The following MYO5B variants were observed in gnomAD, a reference collection of about 807,000 sequenced individuals.
MYO5B encodes the protein myosin VB, also known as unconventional myosin-Vb.
MYO5B carries 143 observed loss-of-function variants against 229.3 expected under a neutral mutation model. That is an observed-to-expected ratio of 0.62 (90% confidence interval 0.54 to 0.72). The LOEUF (loss-of-function observed/expected upper bound fraction) is 0.72. MYO5B is among the 30% of genes least tolerant of loss of function. The pLI, the probability that MYO5B is intolerant of heterozygous loss-of-function variation, is 0.00. For missense variants in MYO5B, 2,321 were observed against 2,331.0 expected (o/e 1.00, Z 0.09); for synonymous variants, 918 against 885.2 (o/e 1.04, Z -0.66).
Position 49,864,228 on chromosome 18 carries a change from C to G in MYO5B, c.3756G>C (p.Glu1252Asp), listed in dbSNP as rs775041779. 2 of 1,614,054 alleles carry G rather than the reference C, an allele frequency of 1.2e-6. No individual in the cohort carries two copies. The highest frequency in any genetic ancestry group is 1.7e-6 in the Non-Finnish European group (2 of 1,180,058). ...LLLNQLKLAH[E>D]ELEVRKEEVL... Reference sequence around the variant, plus strand: ...CCTCCTCCTTGCGCACCTCGAGCTCCTCGTGGGCCAGCTTGAGCTGGTTCA... The same window carrying G: ...CCTCCTCCTTGCGCACCTCGAGCTCGTCGTGGGCCAGCTTGAGCTGGTTCA... The change falls in exon 28 of 40, where the codon GAG becomes GAC. Residue 1252 changes from glutamate to aspartate, a missense_variant. Coordinates refer to ENST00000285039, the MANE Select transcript of MYO5B (RefSeq NM_001080467.3).
chr18:50,172,159 T>C (rs1244881783), intron 1 of MYO5B, among the ~76,000 whole-genome samples: 1 of 151,900 alleles, frequency 6.6e-6, no homozygotes, highest in Non-Finnish European at 1.5e-5. Flanking sequence ...CACACAACTG[T>C]AGTCCCAACT....
chr18:49,875,683 G>A lies in MYO5B; in HGVS notation c.3537+4C>T, dbSNP rs764494398. 27 of 1,614,018 alleles carry A rather than the reference G, an allele frequency of 1.7e-5. No individual in the cohort carries two copies. The highest frequency in any genetic ancestry group is 1.3e-4 in the South Asian group (12 of 91,080). On this transcript the variant is annotated splice_donor_region_variant and intron_variant, in intron 26 of 39. Coordinates refer to ENST00000285039, the MANE Select transcript of MYO5B (RefSeq NM_001080467.3). ...CATAAGAGCACTGCAGCCCCTTCACGTACCTGGACTTTCTTGCTGTCCTGC... is the reference window on the plus strand; with the variant it reads ...CATAAGAGCACTGCAGCCCCTTCACATACCTGGACTTTCTTGCTGTCCTGC...
intron 5 of MYO5B, 24 bp downstream of exon 5, chr18:50,001,231 G>T (rs1598943320): frequency 1.2e-6 from 2 of 1,614,016 alleles, no homozygotes; most frequent in African/African-American, 1.3e-5. Context: ...AGCCAGGAAG[G>T]CCAGGACACC....
At chr18:49,899,058 C>G (rs925585357) in intron 21 of MYO5B, among the ~76,000 whole-genome samples, 1 of 152,164 alleles carries the variant, frequency 6.6e-6, no homozygotes, top group South Asian at 2.1e-4. Context: ...GCTATCAGCT[C>G]TGGTTGTGAA....
At chr18:50,068,034 T>C (rs926044571) in intron 1 of MYO5B, among the ~76,000 whole-genome samples, 3 of 71,968 alleles carry the variant, frequency 4.2e-5, no homozygotes, top group East Asian at 4.4e-4. Context: ...CATATATATA[T>C]ACACACATAT....
At chr18:50,188,465 A>G (rs1428895018) in intron 1 of MYO5B, among the ~76,000 whole-genome samples, 1 of 152,176 alleles carries the variant, frequency 6.6e-6, no homozygotes, top group African/African-American at 2.4e-5. Flanking sequence ...AAACACACTG[A>G]AGGCTCCTAA....
chr18:49,839,104 C>G (rs754820769), intron 36 of MYO5B, 40 bp downstream of exon 36: 1 of 1,611,382 alleles, frequency 6.2e-7, no homozygotes, highest in Non-Finnish European at 8.5e-7. Context: ...TCATTTCAGA[C>G]ACCATGATGA....
In MYO5B at chr18:49,913,675, A is replaced by C. The variant is rs9957057; in HGVS notation, c.2091-1502T>G. On this transcript the variant is annotated intron_variant, in intron 17 of 39. Transcript: ENST00000285039. ...GTTCCCTGGCAAAGGCCCTACCCTC[A>C]AGCCTGGATACCCATGGCCCTAAAT... is the stretch of plus-strand genomic sequence containing the variant. Among the ~76,000 whole-genome samples the C allele has an allele frequency of 8.6e-3, 1,315 of 152,232 alleles. 12 individuals carry two copies. Among genetic ancestry groups the C allele is most frequent in the African/African-American group, 0.029 (1,221 of 41,524 alleles).
At chr18:50,070,018 C>CTTTTTTTTTTTTT (rs765610800) in intron 1 of MYO5B, among the ~76,000 whole-genome samples, 5 of 110,062 alleles carry the variant, frequency 4.5e-5, no homozygotes, top group African/African-American at 1.9e-4. Flanking sequence ...GCAATTTAGT[C>CTTTTTTTTTTTTT]TTTTTTTTTT....
intron 12 of MYO5B, among the ~76,000 whole-genome samples, chr18:49,960,623 T>C (rs1433381385): frequency 1.3e-5 from 2 of 152,248 alleles, no homozygotes; most frequent in Non-Finnish European, 2.9e-5. Flanking sequence ...TCATCCTGAA[T>C]TTCCAGAACA....
intron 4 of MYO5B, among the ~76,000 whole-genome samples, chr18:50,016,272 C>T (rs2026214395): frequency 2.0e-5 from 3 of 152,158 alleles, no homozygotes; most frequent in Admixed American, 2.0e-4. Flanking sequence ...TGTATTAACC[C>T]ATGATCCAAT....
In MYO5B at chr18:49,912,147, C is replaced by G; in HGVS notation, c.2117G>C (p.Arg706Pro). The G allele has an allele frequency of 1.2e-6, 2 of 1,613,962 alleles. No individual in the cohort carries two copies. The highest frequency in any genetic ancestry group is 1.1e-5 in the South Asian group (1 of 91,056). ...SRWAYHDFFN[R>P]YRVLVKKREL... ...TCTCTTCTTGACCAGCACCCGATACCGGTTGAAAAAGTCATGGTAGGCCCA... is the reference window on the plus strand; with the variant it reads ...TCTCTTCTTGACCAGCACCCGATACGGGTTGAAAAAGTCATGGTAGGCCCA... Residue 706 changes from arginine (R) to proline (P), a missense_variant, in exon 18 of 40, where the codon CGG becomes CCG. This residue lies in a region of MYO5B where 2,113 missense variants were observed against 2,044.7 expected (regional missense o/e 1.03). Coordinates refer to ENST00000285039, the MANE Select transcript of MYO5B (RefSeq NM_001080467.3).
At chr18:49,938,136 G>C (rs1302405936) in intron 14 of MYO5B, among the ~76,000 whole-genome samples, 1 of 152,168 alleles carries the variant, frequency 6.6e-6, no homozygotes, top group Non-Finnish European at 1.5e-5. Context: ...ATACACCTAA[G>C]TTTAAGTTCT....
intron 1 of MYO5B, among the ~76,000 whole-genome samples, chr18:50,062,101 A>T (rs559955403): frequency 9.9e-5 from 15 of 152,182 alleles, no homozygotes; most frequent in Non-Finnish European, 2.1e-4. Context: ...TGATTTGTTT[A>T]CAGCAGCCCA....
At chr18:50,082,316 C>T (rs1044314596) in intron 1 of MYO5B, among the ~76,000 whole-genome samples, 4 of 152,198 alleles carry the variant, frequency 2.6e-5, no homozygotes, top group Non-Finnish European at 5.9e-5. Context: ...ATATTATAAG[C>T]TCAAGTGTGT....
intron 4 of MYO5B, among the ~76,000 whole-genome samples, chr18:50,007,604 C>T (rs2026116931): frequency 6.6e-6 from 1 of 152,180 alleles, no homozygotes; most frequent in Non-Finnish European, 1.5e-5. Context: ...CAGTGCATGC[C>T]ACTCTTCTAC....
intron 12 of MYO5B, among the ~76,000 whole-genome samples, chr18:49,959,051 A>G (rs80020359): frequency 0.026 from 3,914 of 152,050 alleles, 163 homozygotes; most frequent in African/African-American, 0.088. Flanking sequence ...CTACTTTCCA[A>G]CCTTACCTGC....
At chr18:49,937,522 A>G in intron 14 of MYO5B, 125 bp from the exon 15 acceptor site, 1 of 1,099,246 alleles carries the variant, frequency 9.1e-7, no homozygotes, top group East Asian at 2.6e-5. Flanking sequence ...AAACCCACAC[A>G]CCAACCTGCA....
intron 1 of MYO5B, among the ~76,000 whole-genome samples, chr18:50,062,336 T>TAA (rs1163482152): frequency 6.6e-6 from 1 of 152,180 alleles, no homozygotes; most frequent in East Asian, 1.9e-4. Context: ...TCCCACAGCC[T>TAA]AACTTGATAG....
Sources: allele counts gnomAD v4.1 joint callset (sites outside exome capture counted in the v4.1 genomes callset), GRCh38; gene constraint gnomAD v4.1.1; regional missense constraint gnomAD v4.1.1; transcripts MANE v1.5; gene names NCBI Gene and HGNC (gene_info 2026-07-23, HGNC 2026-07-21).